NRXN3: variants seen among roughly 807,000 people sequenced by gnomAD.
NRXN3 encodes the protein neurexin 3, also known as neurexin III.
In NRXN3, 32 loss-of-function variants were observed where a neutral mutation model predicts 137.6. The ratio of observed to expected loss-of-function variants is 0.23; its 90% CI spans 0.18 to 0.31. The LOEUF (loss-of-function observed/expected upper bound fraction) is 0.31. Ranked by LOEUF, NRXN3 falls within the 10% of genes least tolerant of loss-of-function variation. The probability of loss-of-function intolerance (pLI) is 1.00; values close to 1 mark genes in which losing one functional copy is unlikely to be tolerated. For synonymous variants in NRXN3, 798 were observed against 784.5 expected, an observed-to-expected ratio of 1.02 and a Z score of -0.29; for missense variants, 1,574 against 2,062.5, an observed-to-expected ratio of 0.76 and a Z score of 4.59.
rs114951160 is a variant in NRXN3, at chr14:79,332,441, C to T, written c.3263-134780C>T. On this transcript the variant is annotated intron_variant, in intron 15 of 20. Coordinates refer to ENST00000335750, the MANE Select transcript of NRXN3 (RefSeq NM_001330195.2). The stretch of plus-strand genomic sequence containing the variant: ...AATACGTCCTGCGCTGTCGAGCTTA[C>T]GCACCTTTCTGTGTGCTGTTTCCTC... Among the ~76,000 whole-genome samples, 343 of 152,282 alleles carry T rather than the reference C, an allele frequency of 2.3e-3. 1 individual carries two copies. Among genetic ancestry groups the T allele is most frequent in the African/African-American group, 7.7e-3 (318 of 41,546 alleles).
intron 16 of NRXN3, among the ~76,000 whole-genome samples, chr14:79,492,931 A>G (rs527950884): frequency 1.3e-5 from 2 of 152,336 alleles, no homozygotes; most frequent in South Asian, 2.1e-4. Flanking sequence ...TAGTAAATGT[A>G]TAGTGTCTTA....
intron 15 of NRXN3, among the ~76,000 whole-genome samples, chr14:79,441,273 C>T (rs888107036): frequency 2.0e-5 from 3 of 150,800 alleles, no homozygotes; most frequent in Non-Finnish European, 4.4e-5. Flanking sequence ...AAGTTCTTGG[C>T]CTGGTCTTCA....
At chr14:79,718,311 A>G (rs178387) in intron 19 of NRXN3, among the ~76,000 whole-genome samples, 59,675 of 151,994 alleles carry the variant, frequency 0.39, 12,562 homozygotes, top group East Asian at 0.76. Context: ...GATGATGAAT[A>G]TGGCTGTAGC....
intron 1 of NRXN3, among the ~76,000 whole-genome samples, chr14:78,241,620 GAA>G (rs112699569): frequency 3.0e-5 from 4 of 134,240 alleles, no homozygotes; most frequent in Non-Finnish European, 3.2e-5. Context: ...ACTCTGTCTC[GAA>G]AAAAAAAAAA....
At chr14:79,712,102 A>AAAC (rs1191982280) in intron 19 of NRXN3, among the ~76,000 whole-genome samples, 1 of 152,236 alleles carries the variant, frequency 6.6e-6, no homozygotes, top group African/African-American at 2.4e-5. Context: ...TAAAATAAGA[A>AAAC]AACAACAATA....
intron 4 of NRXN3, among the ~76,000 whole-genome samples, chr14:78,425,147 T>G (rs1209738024): frequency 6.6e-6 from 1 of 152,248 alleles, no homozygotes; most frequent in African/African-American, 2.4e-5. Flanking sequence ...GTACTCAAGA[T>G]GGATCAGCCT....
intron 4 of NRXN3, among the ~76,000 whole-genome samples, chr14:78,435,119 G>C (rs2094017073): frequency 6.6e-6 from 1 of 152,192 alleles, no homozygotes; most frequent in Non-Finnish European, 1.5e-5. Context: ...CTGAATTATA[G>C]TTCCTTTGGA....
intron 4 of NRXN3, among the ~76,000 whole-genome samples, chr14:78,512,156 C>G (rs1245211474): frequency 1.3e-5 from 2 of 152,080 alleles, no homozygotes; most frequent in Non-Finnish European, 2.9e-5. Context: ...CCAAGTCATC[C>G]ACACCACCTC....
chr14:78,651,680 T>C (rs958504997), intron 6 of NRXN3, among the ~76,000 whole-genome samples: 10 of 152,208 alleles, frequency 6.6e-5, no homozygotes, highest in African/African-American at 2.2e-4. Flanking sequence ...AGTCACATCT[T>C]ACATGGTGGC....
At chr14:79,830,676 T>A (rs2099320549) in intron 20 of NRXN3, among the ~76,000 whole-genome samples, 1 of 152,200 alleles carries the variant, frequency 6.6e-6, no homozygotes, top group Non-Finnish European at 1.5e-5. Flanking sequence ...AAATTGCAAC[T>A]GAGGAAAACG....
intron 15 of NRXN3, among the ~76,000 whole-genome samples, chr14:79,078,921 AGGG>A (rs2046420333): frequency 6.6e-6 from 1 of 152,032 alleles, no homozygotes; most frequent in Non-Finnish European, 1.5e-5. Context: ...ATTCTTGTGT[AGGG>A]ATACCAGAAG....
intron 15 of NRXN3, among the ~76,000 whole-genome samples, chr14:79,387,864 A>G (rs2094689343): frequency 6.7e-6 from 1 of 150,108 alleles, no homozygotes; most frequent in African/African-American, 2.4e-5. Flanking sequence ...ACAAAAACCA[A>G]ACACCGCATG....
At chr14:78,377,444 G>T (rs139054293) in intron 4 of NRXN3, among the ~76,000 whole-genome samples, 75 of 152,350 alleles carry the variant, frequency 4.9e-4, no homozygotes, top group African/African-American at 1.7e-3. Flanking sequence ...CAAATTCGCA[G>T]TTATGGTTGG....
rs36091682 is a variant in NRXN3 at position 79,803,899 on chromosome 14, G to GTATA, written c.4015-1203_4015-1200dup. On this transcript the variant is annotated intron_variant, in intron 19 of 20. Coordinates refer to ENST00000335750, the MANE Select transcript of NRXN3 (RefSeq NM_001330195.2). ...ATAACTGTAACTAAAAAGTGTGTGT[G>GTATA]TATATATATATATGTATATATATAT... Among the ~76,000 whole-genome samples the GTATA allele has an allele frequency of 7.7e-3, 1,118 of 144,818 alleles. 12 individuals carry two copies. The highest frequency in any genetic ancestry group is 0.028 in the African/African-American group (1,073 of 38,780).
At chr14:79,413,384 T>C (rs996612361) in intron 15 of NRXN3, among the ~76,000 whole-genome samples, 2 of 152,172 alleles carry the variant, frequency 1.3e-5, no homozygotes, top group Non-Finnish European at 2.9e-5. Context: ...GTATTCTTTA[T>C]TGGATCTGGG....
intron 4 of NRXN3, among the ~76,000 whole-genome samples, chr14:78,474,599 C>T (rs143474624): frequency 6.6e-6 from 1 of 152,124 alleles, no homozygotes; most frequent in Non-Finnish European, 1.5e-5. Flanking sequence ...CTCAGAACAC[C>T]AACTAAAAAT....
chr14:79,081,729 G>A (rs979767097), intron 15 of NRXN3, among the ~76,000 whole-genome samples: 12 of 151,950 alleles, frequency 7.9e-5, no homozygotes, highest in Non-Finnish European at 1.6e-4. Context: ...ATAGAGGTAT[G>A]AGCAATGTTC....
At position 78,232,520 on chromosome 14, in the gene NRXN3, G is replaced by A. The variant is rs118032535; in HGVS notation, c.-703-9871G>A. Among the ~76,000 whole-genome samples the A allele has an allele frequency of 7.6e-4, 116 of 152,252 alleles. 2 individuals are homozygous for A. In the East Asian group the frequency reaches 0.02, roughly 26 times the overall value. On this transcript the variant is annotated intron_variant, in intron 1 of 20. Transcript: ENST00000335750. Reference sequence around the variant, plus strand: ...CGTAAATTGCACTCTTGCTGGGCTGGTGCTGCGAAAGCTGGATAAGATTGT... The same window carrying A: ...CGTAAATTGCACTCTTGCTGGGCTGATGCTGCGAAAGCTGGATAAGATTGT...
chr14:78,173,705 C>T (rs1350748923), intron 1 of NRXN3, among the ~76,000 whole-genome samples: 2 of 15,604 alleles, frequency 1.3e-4, no homozygotes, highest in African/African-American at 2.8e-4. Context: ...TCCCTTTTTC[C>T]TTGCTTTTTT....
Sources: allele counts gnomAD v4.1 joint callset (sites outside exome capture counted in the v4.1 genomes callset), GRCh38; gene constraint gnomAD v4.1.1; transcripts MANE v1.5; gene names NCBI Gene and HGNC (gene_info 2026-07-23, HGNC 2026-07-21).